Variants in TBC1D5 observed in about 807,000 individuals in gnomAD.
The protein encoded by TBC1D5 is TBC1 domain family member 5.
In TBC1D5, 75 loss-of-function variants were observed where a neutral mutation model predicts 100.3. The ratio of observed to expected loss-of-function variants is 0.75; its 90% confidence interval spans 0.62 to 0.91. The LOEUF is 0.91. Ranked by LOEUF, TBC1D5 falls within the 40% of genes least tolerant of loss-of-function variation. TBC1D5 has a pLI of 0.00. For synonymous variants in TBC1D5, 323 were observed against 325.6 expected (o/e 0.99, Z 0.09); for missense variants, 910 against 942.4 (o/e 0.97, Z 0.45).
intron 13 of TBC1D5, among the ~76,000 whole-genome samples, chr3:17,349,316 G>A (rs949362412): frequency 6.6e-6 from 1 of 152,196 alleles, no homozygotes; most frequent in Non-Finnish European, 1.5e-5. Context: ...GGACTGAAGA[G>A]TCTGAATTTC....
chr3:17,167,746 T>C lies in TBC1D5; in HGVS notation c.1932+3A>G, dbSNP rs1390177921. 1.2e-6 allele frequency: 2 copies of C among 1,613,826 alleles called. No individual in the cohort carries two copies. Among genetic ancestry groups the C allele is most frequent in the Non-Finnish European group, 1.7e-6 (2 of 1,179,736 alleles). On this transcript the variant is annotated splice_donor_region_variant and intron_variant, in intron 20 of 21. Coordinates refer to ENST00000253692, the Ensembl canonical transcript of TBC1D5. ...AGAAATAGTGTCAGAGCAATGCACA[T>C]ACCTGTTTTAATCCTGCCAGGGAAA...
chr3:17,625,892 T>C (rs190249688), intron 1 of TBC1D5, among the ~76,000 whole-genome samples: 5 of 152,250 alleles, frequency 3.3e-5, no homozygotes, highest in Admixed American at 2.0e-4. Flanking sequence ...TTAGAAAATC[T>C]TCCTTTTAGA....
At chr3:17,692,840 C>T (rs1376919308) in intron 1 of TBC1D5, among the ~76,000 whole-genome samples, 6 of 152,120 alleles carry the variant, frequency 3.9e-5, no homozygotes, top group Non-Finnish European at 5.9e-5. Flanking sequence ...AGGATATAAA[C>T]GAATATAGGC....
At chr3:17,463,061 G>A (rs966040848) in intron 3 of TBC1D5, among the ~76,000 whole-genome samples, 2 of 152,068 alleles carry the variant, frequency 1.3e-5, no homozygotes, top group African/African-American at 2.4e-5. Context: ...ACATGCACTG[G>A]AATTAAAAGC....
At chr3:17,314,637 G>C (rs962893306) in intron 13 of TBC1D5, among the ~76,000 whole-genome samples, 13 of 152,124 alleles carry the variant, frequency 8.5e-5, no homozygotes, top group African/African-American at 3.1e-4. Context: ...CAGCCCCCCA[G>C]TATAGTGCTC....
intron 8 of TBC1D5, among the ~76,000 whole-genome samples, chr3:17,388,788 C>T (rs1216842045): frequency 3.3e-5 from 5 of 151,848 alleles, no homozygotes; most frequent in Middle Eastern, 3.4e-3. Flanking sequence ...ACTTGAGCCT[C>T]GGAGGTAGAG....
chr3:17,736,758 T>C (rs866184627), intron 1 of TBC1D5, among the ~76,000 whole-genome samples: 2 of 152,272 alleles, frequency 1.3e-5, no homozygotes, highest in South Asian at 2.1e-4. Flanking sequence ...ATGCCTGTAA[T>C]TCCAGCACTC....
chr3:17,477,792 AT>A (rs1160812319), intron 3 of TBC1D5, among the ~76,000 whole-genome samples: 1 of 152,098 alleles, frequency 6.6e-6, no homozygotes, highest in Non-Finnish European at 1.5e-5. Context: ...GTTTAGAAGT[AT>A]GTATACACAT....
chr3:17,192,337 T>C (rs768312347), intron 18 of TBC1D5, among the ~76,000 whole-genome samples: 1 of 149,554 alleles, frequency 6.7e-6, no homozygotes, highest in East Asian at 1.9e-4. Flanking sequence ...CGACACTAAA[T>C]AGAGAAACTT....
intron 5 of TBC1D5, 121 bp from the exon 6 acceptor site, chr3:17,405,082 C>A: frequency 2.0e-6 from 1 of 502,844 alleles, no homozygotes; most frequent in Non-Finnish European, 3.5e-6. Context: ...ATATTCATAT[C>A]ATCATTTCAA....
intron 3 of TBC1D5, among the ~76,000 whole-genome samples, chr3:17,507,842 CTA>C (rs1357563834): frequency 6.6e-6 from 1 of 152,036 alleles, no homozygotes; most frequent in African/African-American, 2.4e-5. Context: ...GTCTAAGAAA[CTA>C]TGTTATTACT....
rs115605326 is a variant in TBC1D5, at chr3:17,428,790, A to C, written c.98-271T>G. Among the ~76,000 whole-genome samples the C allele has an allele frequency of 0.039, 5,938 of 152,026 alleles. 172 individuals are homozygous for C. Among genetic ancestry groups the C allele is most frequent in the African/African-American group, 0.08 (3,322 of 41,528 alleles). ...GGCACAGTACAAACATTTTCTTCTT[A>C]TGAATTACAGACAAAACTAAAATTA... On this transcript the variant is annotated intron_variant, in intron 3 of 21. Transcript: ENST00000253692.
chr3:17,645,922 G>A (rs558147815), intron 1 of TBC1D5, among the ~76,000 whole-genome samples: 1 of 152,070 alleles, frequency 6.6e-6, no homozygotes, highest in East Asian at 1.9e-4. Context: ...ACTCTATACT[G>A]ATTCAAAGCA....
chr3:17,499,416 A>T (rs2095756357), intron 3 of TBC1D5, among the ~76,000 whole-genome samples: 2 of 134,822 alleles, frequency 1.5e-5, no homozygotes, highest in African/African-American at 3.4e-5. Flanking sequence ...TTCATTATTT[A>T]AAAATTCTAG....
intron 2 of TBC1D5, among the ~76,000 whole-genome samples, chr3:17,564,033 T>C (rs185028193): frequency 0.018 from 2,789 of 152,288 alleles, 44 homozygotes; most frequent in South Asian, 0.035. Context: ...CCGCCCGCCT[T>C]GGCCTCCCAA....
intron 2 of TBC1D5, among the ~76,000 whole-genome samples, chr3:17,593,330 G>T (rs1334083479): frequency 6.6e-6 from 1 of 152,166 alleles, no homozygotes; most frequent in African/African-American, 2.4e-5. Flanking sequence ...GGTCATGGTG[G>T]CAGGGATGGA....
intron 2 of TBC1D5, among the ~76,000 whole-genome samples, chr3:17,617,270 T>TCC (rs1206255883): frequency 6.6e-6 from 1 of 152,240 alleles, no homozygotes; most frequent in Non-Finnish European, 1.5e-5. Context: ...TCTGATGGGC[T>TCC]CCCCTTTGTG....
intron 1 of TBC1D5, among the ~76,000 whole-genome samples, chr3:17,691,002 A>C (rs2071076586): frequency 6.6e-6 from 1 of 152,256 alleles, no homozygotes. Flanking sequence ...TACAGTATAC[A>C]TATAAGCTAT....
chr3:17,688,847 TA>T, intron 1 of TBC1D5, among the ~76,000 whole-genome samples: 1 of 152,226 alleles, frequency 6.6e-6, no homozygotes, highest in East Asian at 1.9e-4. Flanking sequence ...AGCCTATTTT[TA>T]AAATTTCTAC....
Sources: allele counts gnomAD v4.1 joint callset (sites outside exome capture counted in the v4.1 genomes callset), GRCh38; gene constraint gnomAD v4.1.1; transcripts MANE v1.5; gene names NCBI Gene and HGNC (gene_info 2026-07-23, HGNC 2026-07-21).